The following OSBPL10 variants were observed in gnomAD, a reference collection of about 807,000 sequenced individuals.
The protein encoded by OSBPL10 is oxysterol-binding protein-related protein 10.
OSBPL10 carries 49 observed loss-of-function variants against 81.7 expected under a neutral mutation model. The observed-to-expected ratio is 0.60, with a 90% confidence interval of 0.48 to 0.76. The LOEUF is 0.76. Ranked by LOEUF, OSBPL10 falls within the 30% of genes least tolerant of loss-of-function variation. OSBPL10 has a pLI of 0.00. For missense variants in OSBPL10, 923 were observed against 987.8 expected, an observed-to-expected ratio of 0.93 and a Z score of 0.88; for synonymous variants, 419 against 383.6, an observed-to-expected ratio of 1.09 and a Z score of -1.08.
At chr3:31,863,432 A>G (rs561656293) in intron 3 of OSBPL10, among the ~76,000 whole-genome samples, 27 of 152,338 alleles carry the variant, frequency 1.8e-4, no homozygotes, top group Non-Finnish European at 3.5e-4. Context: ...ACTTTATGGT[A>G]TGTGAATTAT....
rs1257902393 is a variant in OSBPL10 at position 31,747,968 on chromosome 3, G to A, written c.882C>T (p.Asn294=). ...CCTGGTGCACACTCTGCTGTAACAA[G>A]TTGAGGCACTCCCCAAGGCAGCTGA... ...ATLSCLGECL[N]LLQQSVHQAG... is the part of the protein sequence containing the mutation. Residue 294 remains asparagine, a synonymous_variant, in exon 5 of 12, where the codon AAC becomes AAT. Coordinates refer to ENST00000396556, the MANE Select transcript of OSBPL10 (RefSeq NM_017784.5). The A allele has an allele frequency of 6.2e-7, 1 of 1,614,160 alleles. No individual in the cohort carries two copies. The highest frequency in any genetic ancestry group is 1.3e-5 in the African/African-American group (1 of 75,054).
intron 1 of OSBPL10, among the ~76,000 whole-genome samples, chr3:31,909,461 C>T (rs1204325764): frequency 6.6e-6 from 1 of 151,724 alleles, no homozygotes; most frequent in Admixed American, 6.6e-5. Context: ...AACTCCATGA[C>T]TCTTGTGGCT....
chr3:31,770,555 G>A (rs143202402), intron 4 of OSBPL10, among the ~76,000 whole-genome samples: 2,482 of 152,250 alleles, frequency 0.016, 63 homozygotes, highest in African/African-American at 0.056. Flanking sequence ...GGGAGGCCGA[G>A]GTGGGTGGAT....
chr3:31,678,526 G>A (rs912430690), intron 8 of OSBPL10, among the ~76,000 whole-genome samples: 25 of 152,288 alleles, frequency 1.6e-4, no homozygotes, highest in Middle Eastern at 3.4e-3. Flanking sequence ...GAGAGATTGC[G>A]TTTCTGTGAA....
chr3:31,722,622 C>T (rs62237313), intron 6 of OSBPL10, among the ~76,000 whole-genome samples: 232 of 152,184 alleles, frequency 1.5e-3, no homozygotes, highest in Admixed American at 3.8e-3. Flanking sequence ...GAAAAGTTCA[C>T]ATCCTTCAAA....
intron 1 of OSBPL10, among the ~76,000 whole-genome samples, chr3:31,972,964 AT>A (rs1471179241): frequency 6.6e-6 from 1 of 152,198 alleles, no homozygotes; most frequent in East Asian, 1.9e-4. Context: ...TATTGATATC[AT>A]TGCATGAGGC....
intron 1 of OSBPL10, among the ~76,000 whole-genome samples, chr3:32,060,573 C>A (rs1332231789): frequency 3.0e-5 from 1 of 33,232 alleles, no homozygotes; most frequent in African/African-American, 4.8e-5. Flanking sequence ...TCTTCATCTC[C>A]AATTGTCTCC....
intron 4 of OSBPL10, among the ~76,000 whole-genome samples, chr3:31,811,105 TCTC>T (rs1446299154): frequency 1.3e-5 from 2 of 151,268 alleles, no homozygotes; most frequent in Non-Finnish European, 2.9e-5. Context: ...AAAGGCGCCT[TCTC>T]CTGCAGTATT....
At chr3:31,861,174 T>C (rs1701049112) in intron 3 of OSBPL10, among the ~76,000 whole-genome samples, 1 of 152,178 alleles carries the variant, frequency 6.6e-6, no homozygotes, top group Admixed American at 6.5e-5. Context: ...TTGATTTTCA[T>C]TGGGTCAGTT....
rs989859218 is a variant in OSBPL10, at chr3:31,814,866, C to G, written c.729+15174G>C. Among the ~76,000 whole-genome samples, 4 of 152,146 alleles carry G rather than the reference C, an allele frequency of 2.6e-5. No individual in the cohort carries two copies. In the East Asian group the frequency reaches 5.8e-4, roughly 22 times the overall value. ...ACCTAAGGCACAAAAGTGGCTTATT[C>G]CATAGATTAAAGTTGGCCAAGAATT... is the stretch of plus-strand genomic sequence containing the variant. On this transcript the variant is annotated intron_variant, in intron 4 of 11. Coordinates refer to ENST00000396556, the MANE Select transcript of OSBPL10 (RefSeq NM_017784.5).
intron 1 of OSBPL10, among the ~76,000 whole-genome samples, chr3:31,911,832 A>C (rs1696589278): frequency 6.6e-6 from 1 of 152,152 alleles, no homozygotes; most frequent in African/African-American, 2.4e-5. Context: ...GTCTAGCTAT[A>C]TTATGAAAGA....
intron 1 of OSBPL10, among the ~76,000 whole-genome samples, chr3:31,918,251 T>C (rs1575615002): frequency 6.6e-6 from 1 of 152,218 alleles, no homozygotes; most frequent in South Asian, 2.1e-4. Flanking sequence ...AATGACAAAG[T>C]TAAAAGACAG....
intron 7 of OSBPL10, among the ~76,000 whole-genome samples, chr3:31,693,043 T>A (rs772615046): frequency 6.6e-6 from 1 of 152,196 alleles, no homozygotes; most frequent in Non-Finnish European, 1.5e-5. Flanking sequence ...CTCTCTTCTA[T>A]TAAAAGGCAA....
intron 1 of OSBPL10, among the ~76,000 whole-genome samples, chr3:32,071,532 C>T (rs999450857): frequency 8.5e-5 from 13 of 152,322 alleles, no homozygotes; most frequent in African/African-American, 1.7e-4. Context: ...ACCAGGACCA[C>T]GCCTTGTAGC....
intron 1 of OSBPL10, among the ~76,000 whole-genome samples, chr3:31,932,462 G>T (rs1575043155): frequency 6.6e-6 from 1 of 152,132 alleles, no homozygotes; most frequent in East Asian, 1.9e-4. Flanking sequence ...AACAATGTAA[G>T]AAGATATACA....
chr3:31,797,792 A>G (rs11129464), intron 4 of OSBPL10: 16,730 of 456,104 alleles, frequency 0.037, 428 homozygotes, highest in African/African-American at 0.091. Context: ...GACGATGCCA[A>G]TGACTCTCTG....
chr3:31,674,852 A>G (rs1228649537), intron 8 of OSBPL10, among the ~76,000 whole-genome samples: 1 of 152,170 alleles, frequency 6.6e-6, no homozygotes. Flanking sequence ...CTAGGACACA[A>G]CCCATCCTCT....
At chr3:31,731,478 T>G (rs1004419910) in intron 6 of OSBPL10, among the ~76,000 whole-genome samples, 2 of 148,052 alleles carry the variant, frequency 1.4e-5, no homozygotes, top group African/African-American at 2.4e-5. Context: ...TGGGAATTAG[T>G]TATTTCTTTC....
intron 1 of OSBPL10, among the ~76,000 whole-genome samples, chr3:31,896,567 AG>A (rs1237276610): frequency 6.6e-6 from 1 of 152,234 alleles, no homozygotes; most frequent in Admixed American, 6.5e-5. Context: ...TCCCGATTGC[AG>A]GGACAGTCCA....
Sources: allele counts gnomAD v4.1 joint callset (sites outside exome capture counted in the v4.1 genomes callset), GRCh38; gene constraint gnomAD v4.1.1; transcripts MANE v1.5; gene names NCBI Gene and HGNC (gene_info 2026-07-23, HGNC 2026-07-21).